SACM1L: variants seen among roughly 807,000 people sequenced by gnomAD.
The protein encoded by SACM1L is phosphatidylinositol-3-phosphatase SAC1.
In SACM1L, 32 loss-of-function variants were observed where a neutral mutation model predicts 89.5. The ratio of observed to expected loss-of-function variants is 0.36; its 90% confidence interval spans 0.27 to 0.48. The LOEUF is 0.48. Ranked by LOEUF, SACM1L falls within the 20% of genes least tolerant of loss-of-function variation. The probability of loss-of-function intolerance (pLI) is 0.99; values close to 1 mark genes in which losing one functional copy is unlikely to be tolerated. For missense variants in SACM1L, 543 were observed against 708.5 expected, an observed-to-expected ratio of 0.77 and a Z score of 2.65; for synonymous variants, 213 against 232.8, an observed-to-expected ratio of 0.92 and a Z score of 0.77.
chr3:45,712,114 T>G (rs2125691272), intron 5 of SACM1L, among the ~76,000 whole-genome samples: 1 of 152,306 alleles, frequency 6.6e-6, no homozygotes, highest in South Asian at 2.1e-4. Context: ...TCTCAGGAAG[T>G]GCGATTCAGC....
intron 1 of SACM1L, among the ~76,000 whole-genome samples, chr3:45,698,091 A>C (rs944573649): frequency 6.6e-6 from 1 of 152,214 alleles, no homozygotes; most frequent in Non-Finnish European, 1.5e-5. Context: ...AATGCTAGAG[A>C]GTTAAAGTTA....
Position 45,713,168 on chromosome 3 carries a change from T to C in SACM1L, c.515T>C (p.Leu172Pro). The change falls in exon 6 of 20, where the codon CTT (leucine) becomes CCT (proline). Residue 172 changes from leucine (L) to proline (P), a missense_variant. Physicochemically the swap from Leu to Pro is moderately conservative, Grantham distance 98. Transcript: ENST00000389061. ...ADQRFVWNGHLLRELSAQPEV... is the reference protein window; with the variant it reads ...ADQRFVWNGHPLRELSAQPEV... ...CAGCGGTTTGTATGGAATGGTCATC[T>C]TCTAAGAGAACTTTCTGCACAGCCA... The C allele has an allele frequency of 1.2e-6, 2 of 1,612,814 alleles. No homozygotes were observed. Among genetic ancestry groups the C allele is most frequent in the South Asian group, 2.2e-5 (2 of 90,952 alleles).
In SACM1L at chr3:45,713,211, A is replaced by G. The variant is rs1185891353; in HGVS notation, c.543+15A>G. On this transcript the variant is annotated intron_variant, in intron 6 of 19. Transcript: ENST00000389061. ...CACAGCCAGAGGTAATGTACACGAA[A>G]TAAAATCTGCTTAATTGTTACAGTC... The G allele has an allele frequency of 4.4e-6, 7 of 1,599,624 alleles. No homozygotes were observed. Among genetic ancestry groups the G allele is most frequent in the Non-Finnish European group, 6.0e-6 (7 of 1,171,516 alleles).
Position 45,719,589 on chromosome 3 carries a change from T to C in SACM1L, c.667T>C (p.Tyr223His). 1 of 1,607,312 alleles carries C rather than the reference T, an allele frequency of 6.2e-7. No homozygotes were observed. Among genetic ancestry groups the C allele is most frequent in the South Asian group, 1.1e-5 (1 of 90,078 alleles). Residue 223 changes from tyrosine (Y) to histidine (H), a missense_variant, in exon 8 of 20, where the codon TAT (tyrosine) becomes CAT (histidine). By Grantham distance (83) the Tyr-to-His change is moderately conservative. Coordinates refer to ENST00000389061, the MANE Select transcript of SACM1L (RefSeq NM_014016.5). ...GAGCTGTTTCAGAGCTGGTGTGCGC[T>C]ATTATGTAAGAGGTGAGAATTTTGT... ...RRSCFRAGVRYYVRGIDSEGH... is the reference protein window; with the variant it reads ...RRSCFRAGVRHYVRGIDSEGH...
chr3:45,711,718 A>G (rs1423964949), intron 5 of SACM1L, among the ~76,000 whole-genome samples: 1 of 152,176 alleles, frequency 6.6e-6, no homozygotes. Flanking sequence ...TACATTGGTC[A>G]ATGTTTTTAT....
At chr3:45,715,774 A>C (rs1192508074) in intron 7 of SACM1L, among the ~76,000 whole-genome samples, 1 of 20,950 alleles carries the variant, frequency 4.8e-5, no homozygotes, top group East Asian at 4.3e-4. Context: ...ACTCCATCTC[A>C]AAAAAAAAAA....
intron 1 of SACM1L, among the ~76,000 whole-genome samples, chr3:45,690,949 G>T (rs1481927811): frequency 1.3e-5 from 2 of 152,202 alleles, no homozygotes; most frequent in Non-Finnish European, 2.9e-5. Context: ...ATGGAGCCAT[G>T]GCTTCATGCA....
In SACM1L at chr3:45,709,604, C is replaced by G; in HGVS notation, c.440C>G (p.Ser147Cys). 3 of 1,613,826 alleles carry G rather than the reference C, an allele frequency of 1.9e-6. No homozygotes were observed. Among genetic ancestry groups the G allele is most frequent in the Non-Finnish European group, 2.5e-6 (3 of 1,179,846 alleles). The change falls in exon 5 of 20, where the codon TCC (serine) becomes TGC (cysteine). Residue 147 changes from serine (S) to cysteine (C), a missense_variant. Ser to Cys is a moderately radical substitution (Grantham distance 112, BLOSUM62 -1). Transcript: ENST00000389061. ...TTGACCCATACTTTGCAGCGGCTAT[C>G]CAACACTAGTCCTGAATTCCAAGAA... ...YDLTHTLQRL[S>C]NTSPEFQEMS...
At chr3:45,718,872 T>C (rs1036669383) in intron 7 of SACM1L, among the ~76,000 whole-genome samples, 1 of 152,148 alleles carries the variant, frequency 6.6e-6, no homozygotes, top group Non-Finnish European at 1.5e-5. Context: ...TATACTATTA[T>C]CAGTAGTAAG....
intron 5 of SACM1L, 58 bp downstream of exon 5, chr3:45,709,705 T>C: frequency 6.9e-7 from 1 of 1,446,886 alleles, no homozygotes; most frequent in Non-Finnish European, 9.4e-7. Context: ...CATGTCTCTG[T>C]TTCATGCATA....
At chr3:45,731,137 G>T (rs957933316) in intron 11 of SACM1L, among the ~76,000 whole-genome samples, 164 bp from the exon 12 acceptor site, 1 of 152,134 alleles carries the variant, frequency 6.6e-6, no homozygotes, top group African/African-American at 2.4e-5. Flanking sequence ...ACCTTTAATC[G>T]TTTTTCAGAG....
chr3:45,712,385 A>G (rs527716134), intron 5 of SACM1L, among the ~76,000 whole-genome samples: 1 of 152,268 alleles, frequency 6.6e-6, no homozygotes, highest in African/African-American at 2.4e-5. Flanking sequence ...AACTGGGACT[A>G]CAGACACGTG....
At chr3:45,709,691 G>A in intron 5 of SACM1L, 44 bp downstream of exon 5, 1 of 1,531,802 alleles carries the variant, frequency 6.5e-7, no homozygotes, top group Non-Finnish European at 8.9e-7. Flanking sequence ...GTTTTTAAAA[G>A]GGACATGTCT....
intron 1 of SACM1L, among the ~76,000 whole-genome samples, chr3:45,691,109 A>C (rs1389039329): frequency 6.6e-6 from 1 of 152,204 alleles, no homozygotes; most frequent in Non-Finnish European, 1.5e-5. Context: ...TTTGTCCCTG[A>C]AGTAGTAAGA....
chr3:45,699,905 T>C (rs2742436), intron 1 of SACM1L, among the ~76,000 whole-genome samples: 63,043 of 152,128 alleles, frequency 0.41, 14,883 homozygotes, highest in Middle Eastern at 0.56. Flanking sequence ...AAACAGCTGA[T>C]TTTATAATAA....
chr3:45,723,980 A>AC, intron 11 of SACM1L, among the ~76,000 whole-genome samples: 1 of 151,624 alleles, frequency 6.6e-6, no homozygotes, highest in Middle Eastern at 3.4e-3. Flanking sequence ...ACACACACAC[A>AC]CACATATACA....
At chr3:45,707,548 A>G (rs1363102876) in intron 4 of SACM1L, among the ~76,000 whole-genome samples, 1 of 152,252 alleles carries the variant, frequency 6.6e-6, no homozygotes, top group Non-Finnish European at 1.5e-5. Context: ...TAAATGGAGC[A>G]TAGAAGAAGT....
chr3:45,705,243 G>A (rs1240632546), intron 3 of SACM1L, 34 bp downstream of exon 3: 1 of 1,324,984 alleles, frequency 7.5e-7, no homozygotes, highest in Admixed American at 1.7e-5. Context: ...GGCAAAGAAG[G>A]TAATTAGCAA....
At chr3:45,693,716 G>T (rs1256832679) in intron 1 of SACM1L, among the ~76,000 whole-genome samples, 2 of 152,144 alleles carry the variant, frequency 1.3e-5, no homozygotes, top group African/African-American at 4.8e-5. Context: ...CCTCAGACAT[G>T]CCAGGTATTG....
Sources: gnomAD v4.1 joint callset for allele counts (sites outside exome capture counted in the v4.1 genomes callset) on GRCh38, gnomAD v4.1.1 for gene constraint, MANE v1.5 for transcripts, NCBI Gene and HGNC (gene_info 2026-07-23, HGNC 2026-07-21) for gene names.